Variants in THADA observed in about 807,000 individuals in gnomAD.
THADA encodes the protein THADA armadillo repeat containing, also known as tRNA (32-2'-O)-methyltransferase regulator THADA.
In THADA, 213 loss-of-function variants were observed where a neutral mutation model predicts 219.8. That is an observed-to-expected ratio of 0.97 (90% CI 0.87 to 1.09). The LOEUF (loss-of-function observed/expected upper bound fraction) is 1.09. Among genes scored for constraint, THADA ranks in the 50% least tolerant of loss-of-function variants. The pLI is 0.00. For synonymous variants in THADA, 1,018 were observed against 828.9 expected, an observed-to-expected ratio of 1.23 and a Z score of -3.92; for missense variants, 2,956 against 2,311.3, an observed-to-expected ratio of 1.28 and a Z score of -5.72.
At chr2:43,270,496 C>T (rs1671997844) in intron 36 of THADA, among the ~76,000 whole-genome samples, 1 of 152,154 alleles carries the variant, frequency 6.6e-6, no homozygotes, top group African/African-American at 2.4e-5. Context: ...AGAAGACCTT[C>T]AATGCACCCC....
At position 43,293,130 on chromosome 2, in the gene THADA, T is replaced by C; in HGVS notation, c.4522A>G (p.Lys1508Glu). The stretch of plus-strand genomic sequence containing the variant: ...AGGTACTGGGGCAGGCCTGGCACCT[T>C]GAAGGCCCAAGGGAATCCCGTTATC... ...ELITGFPWAF[K>E]VPGLPQYLQS... Residue 1508 changes from lysine to glutamate, a missense_variant, in exon 32 of 38, where the codon AAG (lysine) becomes GAG (glutamate). Lys to Glu is a moderately conservative substitution (Grantham distance 56). Transcript: ENST00000405975. The C allele has an allele frequency of 6.2e-7, 1 of 1,613,996 alleles. No individual in the cohort carries two copies.
intron 29 of THADA, among the ~76,000 whole-genome samples, chr2:43,375,224 A>G (rs1291129862): frequency 9.2e-5 from 14 of 152,174 alleles, no homozygotes; most frequent in Admixed American, 9.2e-4. Context: ...AGTTTAAGTG[A>G]CTTGCCCTAG....
intron 28 of THADA, among the ~76,000 whole-genome samples, chr2:43,405,620 G>C (rs1368590875): frequency 6.6e-6 from 1 of 152,168 alleles, no homozygotes; most frequent in Non-Finnish European, 1.5e-5. Flanking sequence ...CCTCTGCATA[G>C]CTCAGGGATT....
At chr2:43,394,232 C>G (rs1673750983) in intron 29 of THADA, among the ~76,000 whole-genome samples, 1 of 152,188 alleles carries the variant, frequency 6.6e-6, no homozygotes, top group Non-Finnish European at 1.5e-5. Context: ...TTATGAACCT[C>G]TGGTTTTTAA....
intron 31 of THADA, among the ~76,000 whole-genome samples, chr2:43,315,370 C>T (rs770208669): frequency 5.9e-5 from 9 of 152,184 alleles, no homozygotes; most frequent in Non-Finnish European, 8.8e-5. Flanking sequence ...CCTCCATTCC[C>T]CACTCCCTAC....
Position 43,574,673 on chromosome 2 carries a change from G to A in THADA, c.1392C>T (p.Cys464=), listed in dbSNP as rs1287051414. The change falls in exon 11 of 38, where the codon TGC becomes TGT. Residue 464 remains cysteine (C), a synonymous_variant. Transcript: ENST00000405975. ...TAGCCAAAATATGTTCAACTCCTAT[G>A]CACTCTACCAAACAACCAAGGCACG... ...KYTCLGCLVE[C]IGVEHILAID... 1.9e-6 allele frequency: 3 copies of A among 1,613,998 alleles called. No individual in the cohort carries two copies. Among genetic ancestry groups the A allele is most frequent in the Non-Finnish European group, 2.5e-6 (3 of 1,179,884 alleles).
chr2:43,343,993 A>G (rs184052429), intron 30 of THADA, 129 bp downstream of exon 30: 1 of 655,336 alleles, frequency 1.5e-6, no homozygotes, highest in East Asian at 2.8e-5. Flanking sequence ...TTCTAAAAGG[A>G]TAAATACTCC....
At chr2:43,470,448 T>C (rs910014032) in intron 26 of THADA, among the ~76,000 whole-genome samples, 2 of 152,060 alleles carry the variant, frequency 1.3e-5, no homozygotes, top group Non-Finnish European at 2.9e-5. Flanking sequence ...TCAAGTAAAC[T>C]ACGATTTGTC....
rs373941449 is a variant in THADA at position 43,497,059 on chromosome 2, A to T, written c.3744+1774T>A. Among the ~76,000 whole-genome samples the T allele has an allele frequency of 2.0e-5, 3 of 152,214 alleles. No individual in the cohort carries two copies. The East Asian group carries it at 5.8e-4, about 29-fold the overall frequency. ...ACAACAGATGCTGGTAAGGCTGTGG[A>T]GAAATAGGAAAACTTTTACACTGTT... is the stretch of plus-strand genomic sequence containing the variant. On this transcript the variant is annotated intron_variant, in intron 25 of 37. Transcript: ENST00000405975.
At chr2:43,546,902 G>C (rs1262818816) in intron 20 of THADA, among the ~76,000 whole-genome samples, 1 of 152,138 alleles carries the variant, frequency 6.6e-6, no homozygotes, top group East Asian at 1.9e-4. Flanking sequence ...GTGTGAATTT[G>C]ATCCTGTCAT....
At chr2:43,246,365 G>A (rs1332496332) in intron 36 of THADA, among the ~76,000 whole-genome samples, 1 of 152,036 alleles carries the variant, frequency 6.6e-6, no homozygotes, top group Non-Finnish European at 1.5e-5. Flanking sequence ...CACGGTGGTG[G>A]GCGCCTGTAG....
rs1574224937 is a variant in THADA, at chr2:43,552,627, C to T, written c.2675-288G>A. 2.0e-5 allele frequency among the ~76,000 whole-genome samples: 3 copies of T among 152,116 alleles called. No homozygotes were observed. In the East Asian group the frequency reaches 5.8e-4, roughly 29 times the overall value. ...AAACCCCAGGCTGATGTGGCATGTG[C>T]TAATTGGACAGCAGATGGCTTTCAA... On this transcript the variant is annotated intron_variant, in intron 17 of 37. Transcript: ENST00000405975.
At chr2:43,441,034 T>C (rs1408042041) in intron 26 of THADA, among the ~76,000 whole-genome samples, 1 of 152,206 alleles carries the variant, frequency 6.6e-6, no homozygotes, top group African/African-American at 2.4e-5. Context: ...TTTTAAGTAA[T>C]TGTTTTGTTT....
intron 29 of THADA, among the ~76,000 whole-genome samples, chr2:43,388,660 T>C (rs984737086): frequency 3.3e-5 from 5 of 152,218 alleles, no homozygotes; most frequent in African/African-American, 1.2e-4. Flanking sequence ...AAATTTGAGC[T>C]AATCTCAGCT....
At chr2:43,473,918 C>T (rs1685215800) in intron 26 of THADA, among the ~76,000 whole-genome samples, 1 of 151,968 alleles carries the variant, frequency 6.6e-6, no homozygotes, top group African/African-American at 2.4e-5. Context: ...CCATGCTTGA[C>T]TTTTATACAA....
At chr2:43,496,154 T>C (rs1003722092) in intron 25 of THADA, among the ~76,000 whole-genome samples, 35 of 152,180 alleles carry the variant, frequency 2.3e-4, no homozygotes, top group African/African-American at 7.0e-4. Flanking sequence ...CTGCAGGTAA[T>C]GTATTAAGAT....
At chr2:43,463,892 C>T (rs189499417) in intron 26 of THADA, among the ~76,000 whole-genome samples, 1 of 152,156 alleles carries the variant, frequency 6.6e-6, no homozygotes, top group Non-Finnish European at 1.5e-5. Flanking sequence ...CCTTGAATTG[C>T]TTACAGTAGC....
intron 29 of THADA, among the ~76,000 whole-genome samples, chr2:43,395,294 T>C (rs1317521559): frequency 1.3e-5 from 2 of 152,248 alleles, no homozygotes; most frequent in Non-Finnish European, 2.9e-5. Context: ...TCCTCATCAT[T>C]CCAGCCCTGC....
At chr2:43,566,907 T>C (rs1698759086) in intron 14 of THADA, 86 bp from the exon 15 acceptor site, 2 of 920,970 alleles carry the variant, frequency 2.2e-6, no homozygotes, top group Non-Finnish European at 3.0e-6. Flanking sequence ...TAAGAGTGGG[T>C]GTTTTTGTTT....
Sources: allele counts gnomAD v4.1 joint callset (sites outside exome capture counted in the v4.1 genomes callset), GRCh38; gene constraint gnomAD v4.1.1; transcripts MANE v1.5; gene names NCBI Gene and HGNC (gene_info 2026-07-23, HGNC 2026-07-21).